The following COL5A2 variants were observed in gnomAD, a reference collection of about 807,000 sequenced individuals.
The protein encoded by COL5A2 is collagen type V alpha 2 chain.
COL5A2 carries 23 observed loss-of-function variants against 208.2 expected under a neutral mutation model. The observed-to-expected ratio is 0.11, with a 90% CI of 0.08 to 0.16. The LOEUF is 0.16. Ranked by LOEUF, COL5A2 falls within the 10% of genes least tolerant of loss-of-function variation. The pLI is 1.00. For missense variants in COL5A2, 1,590 were observed against 1,956.4 expected (o/e 0.81, Z 3.53); for synonymous variants, 625 against 628.5 (o/e 0.99, Z 0.08).
intron 5 of COL5A2, 169 bp from the exon 6 acceptor site, chr2:189,097,499 T>C: frequency 1.4e-6 from 1 of 733,104 alleles, no homozygotes; most frequent in Non-Finnish European, 2.4e-6. Context: ...TCTGTACGCT[T>C]AGAAGCGTTG....
At chr2:189,162,560 A>G (rs1688389062) in intron 1 of COL5A2, among the ~76,000 whole-genome samples, 1 of 152,226 alleles carries the variant, frequency 6.6e-6, no homozygotes, top group Non-Finnish European at 1.5e-5. Context: ...TACGATGACC[A>G]AAGTATACCT....
At chr2:189,361,291 G>C in the COL5A2 span, among the ~76,000 whole-genome samples, 1 of 152,106 alleles carries the variant, frequency 6.6e-6, no homozygotes, top group Non-Finnish European at 1.5e-5. Context: ...GTGTGCTCCA[G>C]TGTTGGGTGC....
chr2:189,369,450 A>G, the COL5A2 span, among the ~76,000 whole-genome samples: 1 of 151,874 alleles, frequency 6.6e-6, no homozygotes, highest in African/African-American at 2.4e-5. Flanking sequence ...AGATAATTTC[A>G]TTTTTGCTTT....
intron 1 of COL5A2, among the ~76,000 whole-genome samples, chr2:189,220,737 A>G (rs1488523160): frequency 6.6e-6 from 1 of 152,236 alleles, no homozygotes; most frequent in Non-Finnish European, 1.5e-5. Context: ...CTTAAAATTA[A>G]AAGCCCAAAA....
At chr2:189,073,363 A>G (rs530006862) in intron 17 of COL5A2, among the ~76,000 whole-genome samples, 1 of 152,300 alleles carries the variant, frequency 6.6e-6, no homozygotes, top group Admixed American at 6.5e-5. Context: ...ACATTAAAAA[A>G]TGGCTATAGA....
chr2:189,395,223 A>C, the COL5A2 span, among the ~76,000 whole-genome samples: 1 of 152,212 alleles, frequency 6.6e-6, no homozygotes, highest in Non-Finnish European at 1.5e-5. Context: ...ACATTGTTTA[A>C]AGATTTCTTC....
At position 189,080,027 on chromosome 2, in the gene COL5A2, T is replaced by A; in HGVS notation, c.911A>T (p.His304Leu). The change falls in exon 14 of 54, where the codon CAC becomes CTC. Residue 304 changes from histidine to leucine, a missense_variant. Physicochemically the swap from His to Leu is moderately conservative, Grantham distance 99. Transcript: ENST00000374866. ...ACCTTTAGGGCCTTCAAGACCTTTGTGTCCCTGAGAATAAAAATGTAAATT... is the reference window on the plus strand; with the variant it reads ...ACCTTTAGGGCCTTCAAGACCTTTGAGTCCCTGAGAATAAAAATGTAAATT... ...GLPGLKGHRGHKGLEGPKGEV... is the reference protein window; with the variant it reads ...GLPGLKGHRGLKGLEGPKGEV... 1 of 1,612,172 alleles carries A rather than the reference T, an allele frequency of 6.2e-7. No individual in the cohort carries two copies. Among genetic ancestry groups the A allele is most frequent in the Non-Finnish European group, 8.5e-7 (1 of 1,178,406 alleles).
chr2:189,213,737 C>T (rs1197445978), intron 1 of COL5A2, among the ~76,000 whole-genome samples: 1 of 152,092 alleles, frequency 6.6e-6, no homozygotes, highest in African/African-American at 2.4e-5. Flanking sequence ...CCTATAAATA[C>T]ATAGTTGGTG....
chr2:189,426,100 G>A, the COL5A2 span, among the ~76,000 whole-genome samples: 2 of 152,182 alleles, frequency 1.3e-5, no homozygotes, highest in African/African-American at 4.8e-5. Flanking sequence ...GTAATGGGCA[G>A]GTTGGAAGAG....
chr2:189,338,417 A>AG, the COL5A2 span, among the ~76,000 whole-genome samples: 2 of 152,000 alleles, frequency 1.3e-5, no homozygotes, highest in Non-Finnish European at 2.9e-5. Context: ...ACCACTCATG[A>AG]GCTACATTTC....
At position 189,033,974 on chromosome 2, in the gene COL5A2, T is replaced by A. The variant is rs1365638449; in HGVS notation, c.*96A>T. On this transcript the variant is annotated 3_prime_UTR_variant, in exon 54 of 54. Coordinates refer to ENST00000374866, the MANE Select transcript of COL5A2 (RefSeq NM_000393.5). ...TGCTGATGCAGGATCAGCCATTACT[T>A]CAAGAGTCTCAGGATCAACTTCAAA... 5 of 1,532,694 alleles carry A rather than the reference T, an allele frequency of 3.3e-6. No individual in the cohort carries two copies. In the Admixed American group the frequency reaches 5.0e-5, roughly 15 times the overall value. 94.9% of individuals were successfully genotyped at this position (1,532,694 alleles called of 1,614,324 possible).
At chr2:189,064,683 A>C in intron 24 of COL5A2, 28 bp from the exon 25 acceptor site, 1 of 1,455,762 alleles carries the variant, frequency 6.9e-7, no homozygotes, top group Non-Finnish European at 9.7e-7. Context: ...AGATGCATGA[A>C]GAAAAAGAGT....
the COL5A2 span, among the ~76,000 whole-genome samples, chr2:189,400,988 A>G: frequency 7.2e-5 from 11 of 152,214 alleles, no homozygotes; most frequent in African/African-American, 2.7e-4. Context: ...TATGTATCAG[A>G]GTAACTTGTA....
chr2:189,145,005 T>C (rs968505307), intron 1 of COL5A2, among the ~76,000 whole-genome samples: 3 of 152,164 alleles, frequency 2.0e-5, no homozygotes, highest in African/African-American at 7.2e-5. Flanking sequence ...TCTTAGAGTT[T>C]AGAACCTCAT....
At chr2:189,034,305 T>C (rs1685399046) in intron 53 of COL5A2, 89 bp from the exon 54 acceptor site, 2 of 1,392,044 alleles carry the variant, frequency 1.4e-6, no homozygotes, top group Admixed American at 3.5e-5. Context: ...TTTTATAATG[T>C]AAAGGCAATG....
At chr2:189,135,170 A>C (rs2105761693) in intron 1 of COL5A2, among the ~76,000 whole-genome samples, 1 of 152,328 alleles carries the variant, frequency 6.6e-6, no homozygotes, top group Non-Finnish European at 1.5e-5. Flanking sequence ...GACTGGCTTA[A>C]TTTAAAACCA....
chr2:189,200,407 GTAAT>G (rs1381175264), intron 1 of COL5A2, among the ~76,000 whole-genome samples: 2 of 151,544 alleles, frequency 1.3e-5, no homozygotes, highest in African/African-American at 4.9e-5. Context: ...TAGCTTAATA[GTAAT>G]TAAATGCCAG....
At chr2:189,282,246 C>G in the COL5A2 span, among the ~76,000 whole-genome samples, 2 of 151,694 alleles carry the variant, frequency 1.3e-5, no homozygotes, top group African/African-American at 4.8e-5. Flanking sequence ...AAAAATATAA[C>G]AAAGAAAGAT....
chr2:189,357,084 C>T, the COL5A2 span, among the ~76,000 whole-genome samples: 1 of 152,206 alleles, frequency 6.6e-6, no homozygotes, highest in Non-Finnish European at 1.5e-5. Flanking sequence ...GCAGAGATTG[C>T]TATCTGTTCC....
Sources: allele counts gnomAD v4.1 joint callset (sites outside exome capture counted in the v4.1 genomes callset), GRCh38; gene constraint gnomAD v4.1.1; transcripts MANE v1.5; gene names NCBI Gene and HGNC (gene_info 2026-07-23, HGNC 2026-07-21).